The following UNC5A variants were observed in gnomAD, a reference collection of about 807,000 sequenced individuals.
The protein encoded by UNC5A is unc-5 netrin receptor A, also known as netrin receptor UNC5A.
UNC5A carries 20 observed loss-of-function variants against 87.4 expected under a neutral mutation model. The ratio of observed to expected loss-of-function variants is 0.23; its 90% CI spans 0.16 to 0.33. UNC5A has a LOEUF of 0.33. UNC5A is among the 10% of genes least tolerant of loss of function. UNC5A has a pLI of 1.00. For missense variants in UNC5A, 844 were observed against 1,133.4 expected (o/e 0.74, Z 3.67); for synonymous variants, 438 against 482.3 (o/e 0.91, Z 1.20).
At chr5:176,825,621 C>T (rs752956384) in intron 1 of UNC5A, among the ~76,000 whole-genome samples, 2 of 152,158 alleles carry the variant, frequency 1.3e-5, no homozygotes, top group Non-Finnish European at 2.9e-5. Context: ...GACAAGCATA[C>T]TTGCTGAGCA....
intron 1 of UNC5A, among the ~76,000 whole-genome samples, chr5:176,813,389 T>G (rs1756516588): frequency 1.3e-5 from 2 of 152,172 alleles, no homozygotes; most frequent in East Asian, 3.9e-4. Flanking sequence ...ATCCCCATAC[T>G]TAGGGCTAAC....
At chr5:176,825,192 G>A (rs1162798808) in intron 1 of UNC5A, among the ~76,000 whole-genome samples, 2 of 152,202 alleles carry the variant, frequency 1.3e-5, no homozygotes, top group South Asian at 2.1e-4. Flanking sequence ...GCTGATCACC[G>A]ACATGCATGA....
chr5:176,875,416 T>A lies in UNC5A; in HGVS notation c.1378+850T>A, dbSNP rs1581279372. The stretch of plus-strand genomic sequence containing the variant: ...TCCCCCAGTTCACGGATCGTCTAGT[T>A]GCTCAAGCCGGAAACTTGGGGTCAC... On this transcript the variant is annotated intron_variant, in intron 8 of 14. Transcript: ENST00000329542. This position sits in a 1 kb window ranked among gnomAD's most constrained non-coding sequence, Gnocchi z 5.2. 6.6e-6 allele frequency among the ~76,000 whole-genome samples: 1 copy of A among 152,028 alleles called. No homozygotes were observed. The highest frequency in any genetic ancestry group is 6.6e-5 in the Admixed American group (1 of 15,266).
At chr5:176,820,155 T>C (rs1436138748) in intron 1 of UNC5A, among the ~76,000 whole-genome samples, 1 of 152,096 alleles carries the variant, frequency 6.6e-6, no homozygotes, top group Admixed American at 6.5e-5. Context: ...CCCAGCATTT[T>C]GGGAGGCCGA....
At chr5:176,854,395 A>G (rs1279304509) in intron 1 of UNC5A, among the ~76,000 whole-genome samples, 1 of 152,184 alleles carries the variant, frequency 6.6e-6, no homozygotes, top group Non-Finnish European at 1.5e-5. Context: ...TTAAAAAGTA[A>G]TAACTCATGC....
chr5:176,816,028 T>C (rs116812557), intron 1 of UNC5A, among the ~76,000 whole-genome samples: 202 of 152,374 alleles, frequency 1.3e-3, no homozygotes, highest in African/African-American at 4.6e-3. Context: ...TCTAGTCCTC[T>C]CTCTGCTATT....
chr5:176,823,648 G>A lies in UNC5A; in HGVS notation c.70+12828G>A, dbSNP rs139527030. Among the ~76,000 whole-genome samples the A allele has an allele frequency of 2.7e-3, 416 of 152,008 alleles. 4 individuals are homozygous for A. The highest frequency in any genetic ancestry group is 9.1e-3 in the African/African-American group (376 of 41,444). On this transcript the variant is annotated intron_variant, in intron 1 of 14. Transcript: ENST00000329542. ...AGACCCTCCCAGCAAGCAGAGGCTC[G>A]GAGGTCTGGGCACGATGAGAGCCTC... is the stretch of plus-strand genomic sequence containing the variant.
rs956892985 is a variant in UNC5A, at chr5:176,848,777, C to A, written c.71-13847C>A. ...CAGGGGCAGGAGCTGAGGCTCAGAC[C>A]ACGGGCACACAAGATGGGCAGCCGC... On this transcript the variant is annotated intron_variant, in intron 1 of 14. Coordinates refer to ENST00000329542, the MANE Select transcript of UNC5A (RefSeq NM_133369.3). The surrounding 1 kb of genome is among the most constrained non-coding windows in gnomAD (Gnocchi z 5.8). 6.6e-6 allele frequency among the ~76,000 whole-genome samples: 1 copy of A among 152,168 alleles called. No homozygotes were observed. The highest frequency in any genetic ancestry group is 1.5e-5 in the Non-Finnish European group (1 of 68,026).
rs183897532 is a variant in UNC5A, at chr5:176,869,542, G to A, written c.721+578G>A. On this transcript the variant is annotated intron_variant, in intron 5 of 14. Transcript: ENST00000329542. The surrounding 1 kb of genome is among the most constrained non-coding windows in gnomAD (Gnocchi z 9.1). ...CAGCTCACAGCCCCTCTGCCCTCACGCCCCGTCCCCTGGGCCAGTGTATCT... is the reference window on the plus strand; with the variant it reads ...CAGCTCACAGCCCCTCTGCCCTCACACCCCGTCCCCTGGGCCAGTGTATCT... The A allele has an allele frequency of 1.0e-4, 68 of 655,548 alleles. No individual in the cohort carries two copies. The highest frequency in any genetic ancestry group is 1.7e-4 in the East Asian group (6 of 36,184). The allele number at this position is 655,548 out of a possible 1,614,324, so 40.6% of individuals were successfully genotyped here.
At chr5:176,829,935 C>T (rs1416044916) in intron 1 of UNC5A, among the ~76,000 whole-genome samples, 3 of 137,078 alleles carry the variant, frequency 2.2e-5, no homozygotes, top group African/African-American at 5.2e-5. Flanking sequence ...AGTACAGTGG[C>T]GTGATCTCGG....
chr5:176,864,775 T>C (rs1232865309), intron 2 of UNC5A: 2 of 454,652 alleles, frequency 4.4e-6, no homozygotes, highest in Non-Finnish European at 8.8e-6. Context: ...CTAGGAGTTA[T>C]GCTCTCAGGG....
At chr5:176,860,026 G>A (rs930254744) in intron 1 of UNC5A, among the ~76,000 whole-genome samples, 2 of 152,338 alleles carry the variant, frequency 1.3e-5, no homozygotes, top group African/African-American at 2.4e-5. Context: ...GGCGGCTGAC[G>A]CAAGCAGTGC....
At chr5:176,868,471 C>T in intron 3 of UNC5A, 90 bp from the exon 4 acceptor site, 1 of 1,472,716 alleles carries the variant, frequency 6.8e-7, no homozygotes. Context: ...CTGCCATGTG[C>T]CACGGCCCCT....
At chr5:176,860,924 C>T (rs1356624538) in intron 1 of UNC5A, among the ~76,000 whole-genome samples, 2 of 152,194 alleles carry the variant, frequency 1.3e-5, no homozygotes, top group Admixed American at 1.3e-4. Context: ...GGCAGGGAGG[C>T]CAGAGAGTGA....
At chr5:176,854,335 G>A (rs1234786814) in intron 1 of UNC5A, among the ~76,000 whole-genome samples, 1 of 152,178 alleles carries the variant, frequency 6.6e-6, no homozygotes, top group East Asian at 1.9e-4. Flanking sequence ...ACGTGTCCCT[G>A]CTTATCAGAG....
Position 176,874,361 on chromosome 5 carries a change from G to C in UNC5A, c.1173G>C (p.Lys391Asn). 1 of 1,613,776 alleles carries C rather than the reference G, an allele frequency of 6.2e-7. No individual in the cohort carries two copies. Among genetic ancestry groups the C allele is most frequent in the Non-Finnish European group, 8.5e-7 (1 of 1,179,944 alleles). Residue 391 changes from lysine (K) to asparagine (N), a missense_variant, in exon 8 of 15, where the codon AAG becomes AAC. Physicochemically the swap from Lys to Asn is moderately conservative, Grantham distance 94 (BLOSUM62 0). This residue lies in a region of UNC5A where 353 missense variants were observed against 387.5 expected (regional missense o/e 0.91). Coordinates refer to ENST00000329542, the MANE Select transcript of UNC5A (RefSeq NM_133369.3). The surrounding 1 kb of genome is among the most constrained non-coding windows in gnomAD (Gnocchi z 7.6). ...CCCGGCAGGATGGGCCCAGCCCCAA[G>C]TTCCAGCTCACCAATGGGCACCTGC... ...LCPRQDGPSP[K>N]FQLTNGHLLS...
At chr5:176,826,461 A>G (rs1756855534) in intron 1 of UNC5A, among the ~76,000 whole-genome samples, 1 of 152,192 alleles carries the variant, frequency 6.6e-6, no homozygotes, top group African/African-American at 2.4e-5. Context: ...CAACCGATGA[A>G]GTTGGACTTT....
chr5:176,817,567 A>ACCCCGCCCCTCCCCACCCCCG (rs1206201781), intron 1 of UNC5A, among the ~76,000 whole-genome samples: 21 of 73,506 alleles, frequency 2.9e-4, no homozygotes, highest in Non-Finnish European at 4.9e-4. Flanking sequence ...ACCGCCCCCC[A>ACCCCGCCCCTCCCCACCCCCG]CCCCGCCCCT....
chr5:176,810,796 C>T lies in UNC5A; in HGVS notation c.46C>T (p.Leu16Phe). The T allele has an allele frequency of 1.6e-6, 2 of 1,219,334 alleles. No homozygotes were observed. Among genetic ancestry groups the T allele is most frequent in the Non-Finnish European group, 2.0e-6 (2 of 980,064 alleles). 75.5% of individuals were successfully genotyped at this position (1,219,334 alleles called of 1,614,324 possible). A position where few individuals can be genotyped will look rare whatever the true frequency, so the allele number is the denominator to read the frequency against. The change falls in exon 1 of 15, where the codon CTC (leucine) becomes TTC (phenylalanine). Residue 16 changes from leucine to phenylalanine, a missense_variant. Around this residue, in one of 3 missense-constraint regions of UNC5A, gnomAD observed 314 missense variants for 466.5 expected, o/e 0.67. Coordinates refer to ENST00000329542, the MANE Select transcript of UNC5A (RefSeq NM_133369.3). The surrounding 1 kb of genome is among the most constrained non-coding windows in gnomAD (Gnocchi z 7.3). ...GTGGCCAGCGCTCCTGGGCATAGTC[C>T]TCGCCGCTTGGCTCCGCGGCTCGGG... ...GLWPALLGIV[L>F]AAWLRGSGAQ...
Sources: allele counts gnomAD v4.1 joint callset (sites outside exome capture counted in the v4.1 genomes callset), GRCh38; gene constraint gnomAD v4.1.1; regional missense constraint gnomAD v4.1.1; non-coding constraint Gnocchi (gnomAD v3.1); transcripts MANE v1.5; gene names NCBI Gene and HGNC (gene_info 2026-07-23, HGNC 2026-07-21).